The following SPOCK1 variants were observed in gnomAD, a reference collection of about 807,000 sequenced individuals.
SPOCK1 encodes SPARC (osteonectin), cwcv and kazal like domains proteoglycan 1.
A neutral mutation model predicts 55.3 loss-of-function variants in SPOCK1; 23 were observed. The ratio of observed to expected loss-of-function variants is 0.42; its 90% CI spans 0.30 to 0.59. SPOCK1 has a LOEUF of 0.59. Ranked by LOEUF, SPOCK1 falls within the 20% of genes least tolerant of loss-of-function variation. SPOCK1 has a pLI of 0.22. For missense variants in SPOCK1, 499 were observed against 552.5 expected (o/e 0.90, Z 0.97); for synonymous variants, 226 against 221.0 (o/e 1.02, Z -0.20).
chr5:136,992,492 G>T lies in SPOCK1; in HGVS notation c.698C>A (p.Ala233Asp), dbSNP rs377696074. 2 of 1,611,432 alleles carry T rather than the reference G, an allele frequency of 1.2e-6. No individual in the cohort carries two copies. Among genetic ancestry groups the T allele is most frequent in the African/African-American group, 2.7e-5 (2 of 74,796 alleles). Residue 233 changes from alanine (A) to aspartate (D), a missense_variant, in exon 7 of 11, where the codon GCC becomes GAC. Physicochemically the swap from Ala to Asp is moderately radical, Grantham distance 126. Coordinates refer to ENST00000394945, the MANE Select transcript of SPOCK1 (RefSeq NM_004598.4). The part of the protein sequence containing the change: ...RVIKPTSSNT[A>D]QGRFDTSILP... Reference sequence around the variant, plus strand: ...ATTTAAAATGGTCTTACTGCCTTGGGCTGTGTTGGAGCTGGTGGGCTTGAT... The same window carrying T: ...ATTTAAAATGGTCTTACTGCCTTGGTCTGTGTTGGAGCTGGTGGGCTTGAT...
At chr5:137,070,428 A>T (rs888468134) in intron 5 of SPOCK1, among the ~76,000 whole-genome samples, 1 of 152,232 alleles carries the variant, frequency 6.6e-6, no homozygotes, top group African/African-American at 2.4e-5. Flanking sequence ...TTAGTGTTTT[A>T]TCCCTGGCAT....
intron 5 of SPOCK1, among the ~76,000 whole-genome samples, chr5:137,072,620 C>T (rs1479712796): frequency 6.6e-6 from 1 of 152,234 alleles, no homozygotes; most frequent in Admixed American, 6.5e-5. Context: ...AAATCTTTCT[C>T]TTTTATGATT....
In SPOCK1 at chr5:137,070,703, G is replaced by GC. The variant is rs1752595362; in HGVS notation, c.475-2875dup. ...CATTGAGTACTCTGCCCCTCAGCCTGCCTGCTCACCCCAGCCTATCATTGG... is the reference window on the plus strand; with the variant it reads ...CATTGAGTACTCTGCCCCTCAGCCTGCCCTGCTCACCCCAGCCTATCATTGG... On this transcript the variant is annotated intron_variant, in intron 5 of 10. Transcript: ENST00000394945. Among the ~76,000 whole-genome samples, 3 of 152,110 alleles carry GC rather than the reference G, an allele frequency of 2.0e-5. 1 individual carries two copies. Among genetic ancestry groups the GC allele is most frequent in the African/African-American group, 7.2e-5 (3 of 41,424 alleles).
intron 4 of SPOCK1, among the ~76,000 whole-genome samples, chr5:137,138,393 C>T (rs1029453002): frequency 6.6e-6 from 1 of 152,072 alleles, no homozygotes; most frequent in Non-Finnish European, 1.5e-5. Flanking sequence ...AGGTCTCAAA[C>T]CGATTTGAGT....
chr5:137,297,406 T>G (rs1219787614), intron 2 of SPOCK1, among the ~76,000 whole-genome samples: 1 of 152,228 alleles, frequency 6.6e-6, no homozygotes, highest in Non-Finnish European at 1.5e-5. Flanking sequence ...GGGATTTTTG[T>G]TAAGCATGCA....
intron 4 of SPOCK1, 114 bp downstream of exon 4, chr5:137,140,466 A>T: frequency 1.3e-6 from 1 of 762,722 alleles, no homozygotes; most frequent in Non-Finnish European, 2.1e-6. Flanking sequence ...ACAAATGGCG[A>T]CCCTAACACT....
intron 6 of SPOCK1, among the ~76,000 whole-genome samples, chr5:137,031,853 G>A (rs984448941): frequency 6.6e-6 from 1 of 151,892 alleles, no homozygotes; most frequent in Non-Finnish European, 1.5e-5. Flanking sequence ...ATTAACAAAT[G>A]TATGGTGTAC....
rs201405576 is a variant in SPOCK1, at chr5:137,304,078, T to C, written c.187-37023A>G. 5.3e-3 allele frequency among the ~76,000 whole-genome samples: 334 copies of C among 62,912 alleles called. 1 individual carries two copies. The highest frequency in any genetic ancestry group is 0.039 in the African/African-American group (326 of 8,418). 41.3% of individuals were successfully genotyped at this position (62,912 alleles called of 152,430 possible). On this transcript the variant is annotated intron_variant, in intron 2 of 10. Coordinates refer to ENST00000394945, the MANE Select transcript of SPOCK1 (RefSeq NM_004598.4). ...AAAATGCAATGGGTTTTTTTTTTTT[T>C]TTTTGGTTCTGTTATAAAAGCAATT...
intron 3 of SPOCK1, among the ~76,000 whole-genome samples, chr5:137,237,861 T>C (rs1273663582): frequency 6.6e-6 from 1 of 152,172 alleles, no homozygotes; most frequent in Admixed American, 6.5e-5. Context: ...GTTCCAGGGG[T>C]TGCAGATGCT....
At chr5:137,015,428 C>T (rs553779490) in intron 6 of SPOCK1, among the ~76,000 whole-genome samples, 8 of 152,246 alleles carry the variant, frequency 5.3e-5, no homozygotes, top group South Asian at 2.1e-4. Flanking sequence ...CTAGCCTGGA[C>T]GACAGAGCAA....
At chr5:137,086,436 G>A (rs1752960291) in intron 5 of SPOCK1, among the ~76,000 whole-genome samples, 8 of 152,186 alleles carry the variant, frequency 5.3e-5, no homozygotes. Context: ...TCAGGGAGGA[G>A]GTCACAAAAG....
At chr5:137,473,355 C>T (rs376884813) in intron 2 of SPOCK1, among the ~76,000 whole-genome samples, 1 of 152,032 alleles carries the variant, frequency 6.6e-6, no homozygotes, top group African/African-American at 2.4e-5. Flanking sequence ...CAGCAAGGTA[C>T]GCAAGTAAAC....
intron 2 of SPOCK1, among the ~76,000 whole-genome samples, chr5:137,299,033 C>G (rs1757540006): frequency 6.6e-6 from 1 of 152,048 alleles, no homozygotes; most frequent in Non-Finnish European, 1.5e-5. Flanking sequence ...TATTTGTTTT[C>G]TATTTGTTCC....
At chr5:137,169,882 C>T (rs1754716357) in intron 3 of SPOCK1, among the ~76,000 whole-genome samples, 1 of 152,186 alleles carries the variant, frequency 6.6e-6, no homozygotes, top group African/African-American at 2.4e-5. Flanking sequence ...TGTCTTTCTC[C>T]TTTCACCCAC....
chr5:137,364,545 G>A (rs1751015950), intron 2 of SPOCK1, among the ~76,000 whole-genome samples: 1 of 152,292 alleles, frequency 6.6e-6, no homozygotes, highest in East Asian at 1.9e-4. Flanking sequence ...CCTGAATCCA[G>A]GTGACAGGAG....
intron 6 of SPOCK1, among the ~76,000 whole-genome samples, chr5:136,996,714 T>C (rs1751045934): frequency 6.6e-6 from 1 of 152,206 alleles, no homozygotes; most frequent in African/African-American, 2.4e-5. Flanking sequence ...CAGCACTCTG[T>C]AGCTAGCAAG....
intron 2 of SPOCK1, among the ~76,000 whole-genome samples, chr5:137,410,385 G>A (rs144440562): frequency 1.3e-5 from 2 of 152,304 alleles, no homozygotes; most frequent in Non-Finnish European, 2.9e-5. Flanking sequence ...CCAGCCCTTG[G>A]AAACTGATGA....
chr5:137,008,841 G>A (rs1751299376), intron 6 of SPOCK1, among the ~76,000 whole-genome samples: 1 of 152,092 alleles, frequency 6.6e-6, no homozygotes, highest in Non-Finnish European at 1.5e-5. Context: ...TATCAACTAT[G>A]ATCAAGTGTC....
intron 2 of SPOCK1, among the ~76,000 whole-genome samples, chr5:137,437,106 A>G (rs1407281833): frequency 6.6e-6 from 1 of 152,204 alleles, no homozygotes; most frequent in African/African-American, 2.4e-5. Flanking sequence ...TCAAAGAATA[A>G]AAAATCATCT....
Sources: gnomAD v4.1 joint callset for allele counts (sites outside exome capture counted in the v4.1 genomes callset) on GRCh38, gnomAD v4.1.1 for gene constraint, MANE v1.5 for transcripts, NCBI Gene and HGNC (gene_info 2026-07-23, HGNC 2026-07-21) for gene names.